Variants in TNRC6A observed in about 807,000 individuals in gnomAD.
TNRC6A encodes trinucleotide repeat containing adaptor 6A, also known as trinucleotide repeat-containing gene 6A protein.
In TNRC6A, 44 loss-of-function variants were observed where a neutral mutation model predicts 221.2. The ratio of observed to expected loss-of-function variants is 0.20; its 90% CI spans 0.16 to 0.26. TNRC6A has a LOEUF of 0.26. Ranked by LOEUF, TNRC6A falls within the 10% of genes least tolerant of loss-of-function variation. The pLI is 1.00. For missense variants in TNRC6A, 2,199 were observed against 2,404.4 expected (o/e 0.91, Z 1.79); for synonymous variants, 847 against 838.5 (o/e 1.01, Z -0.18).
intron 2 of TNRC6A, among the ~76,000 whole-genome samples, chr16:24,667,673 T>C (rs1347659758): frequency 6.6e-6 from 1 of 152,186 alleles, no homozygotes; most frequent in Non-Finnish European, 1.5e-5. Context: ...TTATGAAGAT[T>C]CAATGACTAG....
chr16:24,780,880 C>T (rs1386494704), intron 5 of TNRC6A, among the ~76,000 whole-genome samples: 1 of 151,682 alleles, frequency 6.6e-6, no homozygotes, highest in East Asian at 1.9e-4. Context: ...AAATGCTGTC[C>T]ATCCCCATCC....
intron 2 of TNRC6A, 103 bp downstream of exon 2, chr16:24,730,403 C>A (rs986965535): frequency 4.3e-6 from 6 of 1,392,042 alleles, no homozygotes; most frequent in East Asian, 2.6e-5. Flanking sequence ...CATTTTCTTC[C>A]GCACCCGGAG....
At chr16:24,776,542 A>C in intron 4 of TNRC6A, 1 of 985,494 alleles carries the variant, frequency 1.0e-6, no homozygotes. Flanking sequence ...AACAGTTGCC[A>C]AGGAATAGAG....
At chr16:24,779,899 A>G (rs975778130) in intron 5 of TNRC6A, among the ~76,000 whole-genome samples, 3 of 152,314 alleles carry the variant, frequency 2.0e-5, no homozygotes, top group East Asian at 1.9e-4. Flanking sequence ...TAGTCAAACT[A>G]GACAACTCTG....
intron 2 of TNRC6A, among the ~76,000 whole-genome samples, chr16:24,689,776 G>A (rs1239920846): frequency 6.6e-6 from 1 of 151,894 alleles, no homozygotes; most frequent in Non-Finnish European, 1.5e-5. Flanking sequence ...ATTTGAGACA[G>A]GGTCTCACTT....
At chr16:24,702,492 A>G (rs9935064) in intron 2 of TNRC6A, among the ~76,000 whole-genome samples, 76,105 of 151,930 alleles carry the variant, frequency 0.5, 20,586 homozygotes, top group East Asian at 0.82. Flanking sequence ...CAAATCTTCA[A>G]ACCTTATCAT....
At chr16:24,672,893 C>T (rs1054257383) in intron 2 of TNRC6A, among the ~76,000 whole-genome samples, 1 of 152,044 alleles carries the variant, frequency 6.6e-6, no homozygotes, top group African/African-American at 2.4e-5. Flanking sequence ...GATAGTTCAT[C>T]ATTGTGTCAT....
chr16:24,755,483 A>G (rs900842982), intron 3 of TNRC6A, among the ~76,000 whole-genome samples: 2 of 152,256 alleles, frequency 1.3e-5, no homozygotes, highest in African/African-American at 2.4e-5. Context: ...AAGTGCTTTT[A>G]TATGAGTTAA....
chr16:24,647,428 G>C (rs1902353665), intron 2 of TNRC6A, among the ~76,000 whole-genome samples: 1 of 152,010 alleles, frequency 6.6e-6, no homozygotes, highest in Admixed American at 6.6e-5. Context: ...AAAGGTTTTT[G>C]CTCAACATTT....
At chr16:24,614,380 T>A (rs1424045843) in intron 1 of TNRC6A, among the ~76,000 whole-genome samples, 1 of 152,246 alleles carries the variant, frequency 6.6e-6, no homozygotes, top group Non-Finnish European at 1.5e-5. Context: ...TCTCTTTTTC[T>A]CAGACTACTA....
intron 19 of TNRC6A, chr16:24,815,572 T>C (rs1468019166): frequency 1.7e-5 from 7 of 423,766 alleles, no homozygotes; most frequent in Admixed American, 3.5e-5. Flanking sequence ...TTAAAAACTT[T>C]AGGCTGGGCG....
At chr16:24,714,462 C>A (rs1269100030) in intron 2 of TNRC6A, among the ~76,000 whole-genome samples, 2 of 151,978 alleles carry the variant, frequency 1.3e-5, no homozygotes, top group African/African-American at 4.8e-5. Context: ...GTGCCCACCA[C>A]CAAACCCGGC....
intron 2 of TNRC6A, among the ~76,000 whole-genome samples, chr16:24,707,923 A>T (rs982021750): frequency 2.0e-5 from 3 of 152,110 alleles, no homozygotes; most frequent in African/African-American, 7.2e-5. Context: ...GCCCGGTGTG[A>T]TGACACGTGC....
chr16:24,701,885 A>T (rs1234819187), intron 2 of TNRC6A, among the ~76,000 whole-genome samples: 1 of 152,086 alleles, frequency 6.6e-6, no homozygotes. Flanking sequence ...TAATTCTTCC[A>T]CATGGACTTT....
At chr16:24,765,772 T>A (rs906531488) in intron 4 of TNRC6A, among the ~76,000 whole-genome samples, 4 of 152,128 alleles carry the variant, frequency 2.6e-5, no homozygotes, top group African/African-American at 9.7e-5. Context: ...GTTAATAAAA[T>A]GATTATTTTT....
intron 5 of TNRC6A, among the ~76,000 whole-genome samples, chr16:24,788,285 T>TA (rs2058018104): frequency 6.6e-6 from 1 of 152,244 alleles, no homozygotes; most frequent in African/African-American, 2.4e-5. Context: ...TGTTCTTTTA[T>TA]ATAAATGTGG....
Position 24,800,006 on chromosome 16 carries a change from TTTTG to T in TNRC6A, c.3694+2061_3694+2064del, listed in dbSNP as rs773775841. Among the ~76,000 whole-genome samples the T allele has an allele frequency of 1.8e-3, 274 of 152,166 alleles. 1 individual carries two copies. The highest frequency in any genetic ancestry group is 3.1e-3 in the Non-Finnish European group (213 of 67,998). On this transcript the variant is annotated intron_variant, in intron 11 of 24. Coordinates refer to ENST00000395799, the MANE Select transcript of TNRC6A (RefSeq NM_014494.4). ...TCAGTTACCCCAGCCAGTAGACTAG[TTTTG>T]TTTGTTTGTTTGTTTGTTTGCCTGC...
intron 2 of TNRC6A, among the ~76,000 whole-genome samples, chr16:24,692,491 A>T (rs373662966): frequency 6.6e-6 from 1 of 151,950 alleles, no homozygotes; most frequent in Non-Finnish European, 1.5e-5. Flanking sequence ...AATCACTTGA[A>T]CCCGGGAGAT....
chr16:24,812,877 C>CTTTTTTT (rs71383720), intron 18 of TNRC6A, among the ~76,000 whole-genome samples: 21 of 75,006 alleles, frequency 2.8e-4, no homozygotes, highest in African/African-American at 3.2e-4. Context: ...ACCTCTTGGG[C>CTTTTTTT]TTTTTTTTTT....
Sources: allele counts gnomAD v4.1 joint callset (sites outside exome capture counted in the v4.1 genomes callset), GRCh38; gene constraint gnomAD v4.1.1; transcripts MANE v1.5; gene names NCBI Gene and HGNC (gene_info 2026-07-23, HGNC 2026-07-21).